RFX4: variants seen among roughly 807,000 people sequenced by gnomAD.
RFX4 encodes transcription factor RFX4.
A neutral mutation model predicts 95.0 loss-of-function variants in RFX4; 10 were observed. The ratio of observed to expected loss-of-function variants is 0.11; its 90% CI spans 0.06 to 0.18. RFX4 has a LOEUF of 0.18. Among genes scored for constraint, RFX4 ranks in the 10% least tolerant of loss-of-function variants. The pLI is 1.00. For missense variants in RFX4, 640 were observed against 922.0 expected, an observed-to-expected ratio of 0.69 and a Z score of 3.96; for synonymous variants, 321 against 340.7, an observed-to-expected ratio of 0.94 and a Z score of 0.64.
intron 17 of RFX4, among the ~76,000 whole-genome samples, chr12:106,760,540 A>G (rs1298226792): frequency 6.6e-6 from 1 of 152,080 alleles, no homozygotes; most frequent in Non-Finnish European, 1.5e-5. Flanking sequence ...ACCAAGCCCA[A>G]TTCCTATTCA....
At chr12:106,601,554 C>T (rs1030502897) in intron 1 of RFX4, among the ~76,000 whole-genome samples, 1 of 152,224 alleles carries the variant, frequency 6.6e-6, no homozygotes, top group South Asian at 2.1e-4. Context: ...TATTAAATCC[C>T]GGTGACACTT....
chr12:106,706,253 G>A (rs1229154420), intron 8 of RFX4, among the ~76,000 whole-genome samples: 1 of 152,168 alleles, frequency 6.6e-6, no homozygotes, highest in Non-Finnish European at 1.5e-5. Flanking sequence ...GGGCCTTGGG[G>A]GCTGCAGCAA....
intron 2 of RFX4, among the ~76,000 whole-genome samples, chr12:106,618,553 T>C (rs1308088665): frequency 6.6e-6 from 1 of 152,116 alleles, no homozygotes; most frequent in Non-Finnish European, 1.5e-5. Context: ...TTTTGTCTGA[T>C]ATTATACAGC....
chr12:106,682,149 AG>A, intron 5 of RFX4, 95 bp downstream of exon 5: 1 of 1,285,102 alleles, frequency 7.8e-7, no homozygotes, highest in Non-Finnish European at 1.1e-6. Flanking sequence ...CTCTGTCTGC[AG>A]GCCTGGCAGA....
intron 7 of RFX4, among the ~76,000 whole-genome samples, chr12:106,694,500 A>G (rs1328254072): frequency 1.3e-5 from 2 of 152,166 alleles, no homozygotes; most frequent in African/African-American, 4.8e-5. Flanking sequence ...CAGTCTAGGG[A>G]GAGACATGGG....
chr12:106,612,246 T>C (rs1449506834), intron 2 of RFX4, among the ~76,000 whole-genome samples: 1 of 152,238 alleles, frequency 6.6e-6, no homozygotes, highest in Non-Finnish European at 1.5e-5. Flanking sequence ...GAACACAGGA[T>C]GTCTTTCCAT....
intron 1 of RFX4, among the ~76,000 whole-genome samples, chr12:106,605,193 T>A (rs1257448182): frequency 6.6e-6 from 1 of 152,172 alleles, no homozygotes; most frequent in East Asian, 1.9e-4. Context: ...CATCTACAAA[T>A]CAATAAGGTG....
chr12:106,583,467 A>G, intron 1 of RFX4, 104 bp downstream of exon 1: 1 of 1,092,914 alleles, frequency 9.1e-7, no homozygotes, highest in Non-Finnish European at 1.3e-6. Context: ...GGTCAACTTG[A>G]CAGTGGAACC....
At chr12:106,737,417 C>G (rs1336702210) in intron 15 of RFX4, among the ~76,000 whole-genome samples, 1 of 151,700 alleles carries the variant, frequency 6.6e-6, no homozygotes, top group African/African-American at 2.4e-5. Context: ...AGCAAACTGA[C>G]AGTAACAATA....
chr12:106,730,551 G>A (rs528131480), intron 13 of RFX4, among the ~76,000 whole-genome samples: 1 of 152,318 alleles, frequency 6.6e-6, no homozygotes, highest in African/African-American at 2.4e-5. Flanking sequence ...CTCACAGTTT[G>A]TTGTAAGGAA....
chr12:106,608,907 C>T (rs761526476), intron 2 of RFX4, 24 bp downstream of exon 2: 19 of 1,598,006 alleles, frequency 1.2e-5, no homozygotes, highest in Admixed American at 1.7e-5. Flanking sequence ...ACTCATTCTT[C>T]CATGACATCC....
At chr12:106,620,362 TG>T (rs2040157949) in intron 2 of RFX4, among the ~76,000 whole-genome samples, 1 of 152,134 alleles carries the variant, frequency 6.6e-6, no homozygotes, top group African/African-American at 2.4e-5. Context: ...GCTGGGCCAC[TG>T]GGGGTGACAT....
rs201488469 is a variant in RFX4, at chr12:106,752,157, G to C, written c.1935+1364G>C. Reference sequence around the variant, plus strand: ...ATCCAGTTTCAGCTTTCTACATATGGCTAGCCAGTTTTCCCAGCACCATTT... The same window carrying C: ...ATCCAGTTTCAGCTTTCTACATATGCCTAGCCAGTTTTCCCAGCACCATTT... On this transcript the variant is annotated intron_variant, in intron 17 of 17. Coordinates refer to ENST00000392842, the MANE Select transcript of RFX4 (RefSeq NM_213594.3). Among the ~76,000 whole-genome samples, 134 of 150,766 alleles carry C rather than the reference G, an allele frequency of 8.9e-4. No individual in the cohort carries two copies. In the East Asian group the frequency reaches 0.021, roughly 24 times the overall value.
intron 2 of RFX4, among the ~76,000 whole-genome samples, chr12:106,629,663 T>G (rs1342436650): frequency 1.3e-5 from 2 of 152,034 alleles, no homozygotes; most frequent in Non-Finnish European, 2.9e-5. Context: ...TTTATAGAGA[T>G]GGGGTTTTAC....
chr12:106,741,892 G>C (rs1037792141), intron 15 of RFX4, among the ~76,000 whole-genome samples: 1 of 152,154 alleles, frequency 6.6e-6, no homozygotes, highest in African/African-American at 2.4e-5. Flanking sequence ...TAGATCCCTT[G>C]CATGTGCAGT....
chr12:106,589,528 A>C (rs2039508931), intron 1 of RFX4, among the ~76,000 whole-genome samples: 1 of 152,210 alleles, frequency 6.6e-6, no homozygotes, highest in South Asian at 2.1e-4. Context: ...ACAACTCTGC[A>C]TAGTCTCTTT....
chr12:106,634,104 C>T (rs1401954255), intron 2 of RFX4, among the ~76,000 whole-genome samples: 1 of 152,162 alleles, frequency 6.6e-6, no homozygotes, highest in African/African-American at 2.4e-5. Flanking sequence ...ACAGTTGTTC[C>T]CTCTGTTGAG....
intron 17 of RFX4, among the ~76,000 whole-genome samples, chr12:106,757,539 C>T (rs996142339): frequency 2.7e-5 from 4 of 149,214 alleles, no homozygotes; most frequent in African/African-American, 7.4e-5. Flanking sequence ...CAGGGCAAGA[C>T]CCTGTCTCAA....
intron 8 of RFX4, among the ~76,000 whole-genome samples, chr12:106,707,451 G>A (rs1423447326): frequency 2.6e-5 from 4 of 152,134 alleles, no homozygotes; most frequent in Non-Finnish European, 4.4e-5. Context: ...ACTGAGAGGC[G>A]TGATGACCAG....
Sources: allele counts gnomAD v4.1 joint callset (sites outside exome capture counted in the v4.1 genomes callset), GRCh38; gene constraint gnomAD v4.1.1; transcripts MANE v1.5; gene names NCBI Gene and HGNC (gene_info 2026-07-23, HGNC 2026-07-21).